Variants in RAB38 observed in about 807,000 individuals in gnomAD.
RAB38 encodes RAB38, member RAS oncogene family.
Under a neutral mutation model 18.4 loss-of-function variants are expected in RAB38, and 15 were observed. The ratio of observed to expected loss-of-function variants is 0.82; its 90% CI spans 0.55 to 1.26. The LOEUF (loss-of-function observed/expected upper bound fraction) is 1.26. Among genes scored for constraint, RAB38 ranks in the 50% most tolerant of loss-of-function variants. The pLI is 0.00. For synonymous variants in RAB38, 101 were observed against 104.4 expected (o/e 0.97, Z 0.20); for missense variants, 294 against 267.4 (o/e 1.10, Z -0.69).
At chr11:87,864,030 G>A in the RAB38 span, among the ~76,000 whole-genome samples, 5 of 151,554 alleles carry the variant, frequency 3.3e-5, no homozygotes, top group Non-Finnish European at 7.4e-5. Flanking sequence ...CGTGATCACG[G>A]TAAAAATCTA....
the RAB38 span, among the ~76,000 whole-genome samples, chr11:87,895,392 G>A: frequency 9.4e-4 from 142 of 151,698 alleles, no homozygotes; most frequent in African/African-American, 3.2e-3. Flanking sequence ...GAGGGAGGGC[G>A]ATTTGGCTCA....
chr11:88,027,511 T>C, the RAB38 span, among the ~76,000 whole-genome samples: 1 of 152,168 alleles, frequency 6.6e-6, no homozygotes, highest in Admixed American at 6.5e-5. Flanking sequence ...ATTGGGTCAC[T>C]CCCACCTGAA....
At chr11:87,939,501 A>G in the RAB38 span, among the ~76,000 whole-genome samples, 1 of 152,108 alleles carries the variant, frequency 6.6e-6, no homozygotes, top group Non-Finnish European at 1.5e-5. Context: ...AAATGACTAC[A>G]GTTGTTTAGT....
At chr11:88,053,402 A>AAT in the RAB38 span, among the ~76,000 whole-genome samples, 5 of 30,920 alleles carry the variant, frequency 1.6e-4, no homozygotes, top group Non-Finnish European at 3.0e-4. Context: ...ATATATATGG[A>AAT]ATATATATAT....
the RAB38 span, among the ~76,000 whole-genome samples, chr11:87,894,808 A>C: frequency 6.6e-6 from 1 of 150,822 alleles, no homozygotes; most frequent in African/African-American, 2.4e-5. Flanking sequence ...TATGAAACTA[A>C]CATACCATAA....
the RAB38 span, among the ~76,000 whole-genome samples, chr11:87,870,869 C>A: frequency 2.0e-5 from 3 of 151,552 alleles, no homozygotes; most frequent in Admixed American, 1.3e-4. Context: ...ATGTTCAGAC[C>A]AAATGAAAAC....
At chr11:87,902,769 G>A in the RAB38 span, among the ~76,000 whole-genome samples, 1 of 151,072 alleles carries the variant, frequency 6.6e-6, no homozygotes, top group African/African-American at 2.4e-5. Context: ...TTTGCATATT[G>A]TGATGCTTTC....
chr11:87,940,126 T>A, the RAB38 span, among the ~76,000 whole-genome samples: 1 of 140,028 alleles, frequency 7.1e-6, no homozygotes, highest in Non-Finnish European at 1.6e-5. Flanking sequence ...AAGAAAAAAA[T>A]GTAACAGGAA....
At chr11:88,035,726 T>C in the RAB38 span, among the ~76,000 whole-genome samples, 1 of 152,254 alleles carries the variant, frequency 6.6e-6, no homozygotes, top group South Asian at 2.1e-4. Flanking sequence ...ACTAAGCGTC[T>C]TGAACTCCAA....
chr11:88,015,925 G>A, the RAB38 span, among the ~76,000 whole-genome samples: 1 of 152,154 alleles, frequency 6.6e-6, no homozygotes, highest in Non-Finnish European at 1.5e-5. Context: ...TTGTGCATCA[G>A]AGATAGAGAT....
chr11:88,146,386 A>G (rs1039065451), intron 2 of RAB38, among the ~76,000 whole-genome samples: 3 of 152,190 alleles, frequency 2.0e-5, no homozygotes, highest in Non-Finnish European at 4.4e-5. Context: ...AAGAAAGGAA[A>G]TCAGGTATTT....
the RAB38 span, among the ~76,000 whole-genome samples, chr11:88,007,329 TAAC>T: frequency 1.4e-5 from 2 of 143,096 alleles, no homozygotes; most frequent in South Asian, 2.3e-4. Flanking sequence ...AAAACACTGT[TAAC>T]AAAATAATTC....
chr11:88,143,537 T>C (rs2134816473), intron 2 of RAB38, among the ~76,000 whole-genome samples: 1 of 139,598 alleles, frequency 7.2e-6, no homozygotes, highest in South Asian at 2.3e-4. Flanking sequence ...CTAATGCATG[T>C]TCTAAGGTGT....
chr11:87,815,689 A>G, the RAB38 span: 1 of 152,210 alleles, frequency 6.6e-6, no homozygotes, highest in African/African-American at 2.4e-5. Flanking sequence ...GTCAGTTCCA[A>G]TATATGGGAT....
the RAB38 span, chr11:88,049,995 T>A: frequency 6.6e-5 from 10 of 152,168 alleles, no homozygotes; most frequent in African/African-American, 2.4e-4. Context: ...ACCTTCCATC[T>A]AACACTTTGT....
chr11:87,969,456 T>C, the RAB38 span, among the ~76,000 whole-genome samples: 1 of 152,156 alleles, frequency 6.6e-6, no homozygotes, highest in Non-Finnish European at 1.5e-5. Context: ...CATGGTATAA[T>C]AGCTGTATTA....
chr11:88,139,480 TA>T (rs1942878898), intron 2 of RAB38, among the ~76,000 whole-genome samples: 2 of 152,238 alleles, frequency 1.3e-5, no homozygotes, highest in African/African-American at 4.8e-5. Context: ...AATATTTGTT[TA>T]TTTTGGTGTC....
chr11:88,119,044 A>G (rs1389605305), intron 2 of RAB38, among the ~76,000 whole-genome samples: 2 of 152,174 alleles, frequency 1.3e-5, no homozygotes, highest in Non-Finnish European at 2.9e-5. Context: ...TACTCCCCAT[A>G]CATTACATTA....
chr11:88,117,223 C>T (rs1428224807), intron 2 of RAB38, among the ~76,000 whole-genome samples: 1 of 152,132 alleles, frequency 6.6e-6, no homozygotes, highest in East Asian at 1.9e-4. Context: ...ATTTAGATTT[C>T]CACTAAGTAC....
Sources: allele counts gnomAD v4.1 joint callset (sites outside exome capture counted in the v4.1 genomes callset), GRCh38; gene constraint gnomAD v4.1.1; transcripts MANE v1.5; gene names NCBI Gene and HGNC (gene_info 2026-07-23, HGNC 2026-07-21).